Variants in HHAT observed in about 807,000 individuals in gnomAD.
HHAT encodes the protein protein-cysteine N-palmitoyltransferase HHAT.
In HHAT, 47 loss-of-function variants were observed where a neutral mutation model predicts 70.8. The ratio of observed to expected loss-of-function variants is 0.66; its 90% CI spans 0.53 to 0.85. The LOEUF (loss-of-function observed/expected upper bound fraction) is 0.85. HHAT is among the 40% of genes least tolerant of loss of function. The pLI is 0.00. For missense variants in HHAT, 609 were observed against 604.8 expected (o/e 1.01, Z -0.07); for synonymous variants, 228 against 247.6 (o/e 0.92, Z 0.74).
intron 1 of HHAT, among the ~76,000 whole-genome samples, chr1:210,338,030 AC>A (rs2085661879): frequency 6.6e-6 from 1 of 152,302 alleles, no homozygotes; most frequent in South Asian, 2.1e-4. Context: ...AGGTAAATGT[AC>A]TATACAGAGT....
intron 3 of HHAT, among the ~76,000 whole-genome samples, chr1:210,365,935 T>A (rs115143392): frequency 0.41 from 38,488 of 93,116 alleles, 7,140 homozygotes; most frequent in African/African-American, 0.61. Flanking sequence ...TAAAAAAAAT[T>A]TTTTTTTTTG....
rs752563556 is a variant in HHAT at position 210,675,810 on chromosome 1, A to G, written c.*1431A>G. The G allele has an allele frequency of 8.5e-5, 13 of 152,244 alleles. No individual in the cohort carries two copies. The highest frequency in any genetic ancestry group is 1.5e-4 in the Non-Finnish European group (10 of 68,056). The allele number at this position is 152,244 out of a possible 1,614,324, so 9.4% of individuals were successfully genotyped here. ...TATGTGTTAAAGCAAGACAGAGGCC[A>G]GAGAGGGGCAGGTAGACCTGCATAG... On this transcript the variant is annotated 3_prime_UTR_variant, in exon 12 of 12. Coordinates refer to ENST00000261458, the MANE Select transcript of HHAT (RefSeq NM_018194.6).
chr1:210,618,125 C>T (rs1314690333), intron 10 of HHAT, among the ~76,000 whole-genome samples: 1 of 152,158 alleles, frequency 6.6e-6, no homozygotes, highest in African/African-American at 2.4e-5. Flanking sequence ...AGACTTCTAG[C>T]TGAAAATGAC....
rs144232582 is a variant in HHAT at position 210,411,013 on chromosome 1, A to G, written c.684+6334A>G. The stretch of plus-strand genomic sequence containing the variant: ...TAAGTCATTATTAAGAAGCCAATGC[A>G]TGACAAAATGTACCTCATGATTTTT... On this transcript the variant is annotated intron_variant, in intron 6 of 11. Transcript: ENST00000261458. 2.3e-3 allele frequency among the ~76,000 whole-genome samples: 354 copies of G among 152,344 alleles called. 4 individuals are homozygous for G. The highest frequency in any genetic ancestry group is 8.1e-3 in the African/African-American group (336 of 41,582).
chr1:210,651,465 T>G (rs904045696), intron 11 of HHAT, among the ~76,000 whole-genome samples: 1 of 151,918 alleles, frequency 6.6e-6, no homozygotes, highest in African/African-American at 2.4e-5. Flanking sequence ...AAGAAGTGCA[T>G]CACTAGAATC....
intron 11 of HHAT, among the ~76,000 whole-genome samples, chr1:210,640,185 G>A (rs1451252666): frequency 6.6e-6 from 1 of 152,166 alleles, no homozygotes; most frequent in African/African-American, 2.4e-5. Flanking sequence ...TGCTTTGAGA[G>A]TTTCGAAGGT....
intron 3 of HHAT, among the ~76,000 whole-genome samples, chr1:210,384,581 T>G (rs993453449): frequency 1.3e-5 from 2 of 152,194 alleles, no homozygotes; most frequent in Admixed American, 6.5e-5. Context: ...AGGTTGGATG[T>G]GGGTGACTTC....
chr1:210,404,138 T>C (rs1352488632), intron 5 of HHAT, among the ~76,000 whole-genome samples: 1 of 152,220 alleles, frequency 6.6e-6, no homozygotes, highest in Non-Finnish European at 1.5e-5. Flanking sequence ...AATCTGCACC[T>C]TATGCCCTGG....
At chr1:210,537,041 G>C (rs1392586334) in intron 9 of HHAT, among the ~76,000 whole-genome samples, 1 of 151,046 alleles carries the variant, frequency 6.6e-6, no homozygotes, top group Admixed American at 6.6e-5. Flanking sequence ...AAAAAAAAAA[G>C]GTGGCTATAG....
intron 7 of HHAT, among the ~76,000 whole-genome samples, chr1:210,458,736 T>C (rs2148420144): frequency 6.6e-6 from 1 of 152,316 alleles, no homozygotes; most frequent in African/African-American, 2.4e-5. Flanking sequence ...TGGCTTCTCC[T>C]TCCCATTCCC....
intron 11 of HHAT, among the ~76,000 whole-genome samples, chr1:210,648,791 G>T (rs1674568026): frequency 6.6e-6 from 1 of 152,202 alleles, no homozygotes; most frequent in South Asian, 2.1e-4. Context: ...ACTACATAAT[G>T]CAGGATTAAT....
intron 3 of HHAT, among the ~76,000 whole-genome samples, chr1:210,384,250 T>C (rs577955045): frequency 1.3e-4 from 20 of 152,322 alleles, no homozygotes; most frequent in African/African-American, 4.3e-4. Flanking sequence ...TTCAGTGAAT[T>C]CCGAAGTCTG....
chr1:210,369,554 CAT>C (rs1293267575), intron 3 of HHAT, among the ~76,000 whole-genome samples: 1 of 152,238 alleles, frequency 6.6e-6, no homozygotes, highest in Non-Finnish European at 1.5e-5. Flanking sequence ...TCATTTAACA[CAT>C]GAGTTAAATG....
In HHAT at chr1:210,401,003, A is replaced by C. The variant is rs2092043480; in HGVS notation, c.468+341A>C. On this transcript the variant is annotated intron_variant, in intron 5 of 11. Coordinates refer to ENST00000261458, the MANE Select transcript of HHAT (RefSeq NM_018194.6). The stretch of plus-strand genomic sequence containing the variant: ...ATGATTTACTAAAAAACATCTGGAG[A>C]GTGCCCTACAATTTATAGGGAATGC... Among the ~76,000 whole-genome samples, 2 of 152,272 alleles carry C rather than the reference A, an allele frequency of 1.3e-5. 1 individual carries two copies. The highest frequency in any genetic ancestry group is 4.1e-4 in the South Asian group (2 of 4,838).
Position 210,442,156 on chromosome 1 carries a change from C to G in HHAT, c.857-22349C>G, listed in dbSNP as rs1436674348. 8.7e-4 allele frequency among the ~76,000 whole-genome samples: 127 copies of G among 146,656 alleles called. 2 individuals are homozygous for G. The highest frequency in any genetic ancestry group is 1.2e-3 in the Admixed American group (17 of 14,666). On this transcript the variant is annotated intron_variant, in intron 7 of 11. Coordinates refer to ENST00000261458, the MANE Select transcript of HHAT (RefSeq NM_018194.6). The stretch of plus-strand genomic sequence containing the variant: ...GAGAATGATGATTTCCAATTTCATC[C>G]ATGTCCCTACAAAGGACATGAACTC...
At chr1:210,518,126 A>C (rs1335553193) in intron 9 of HHAT, among the ~76,000 whole-genome samples, 1 of 152,188 alleles carries the variant, frequency 6.6e-6, no homozygotes, top group Non-Finnish European at 1.5e-5. Flanking sequence ...ACTATTTGGT[A>C]ATATACAATA....
chr1:210,612,694 T>C (rs970664468), intron 10 of HHAT, among the ~76,000 whole-genome samples: 4 of 152,164 alleles, frequency 2.6e-5, no homozygotes, highest in Non-Finnish European at 5.9e-5. Context: ...ATGGCAATTT[T>C]GTGTTTAATT....
At chr1:210,523,685 C>T (rs2095197971) in intron 9 of HHAT, among the ~76,000 whole-genome samples, 1 of 152,220 alleles carries the variant, frequency 6.6e-6, no homozygotes, top group Non-Finnish European at 1.5e-5. Context: ...TCATCTGGAT[C>T]TTCTGCGTAG....
At chr1:210,374,262 C>G (rs187090637) in intron 3 of HHAT, 2 of 126,478 alleles carry the variant, frequency 1.6e-5, no homozygotes, top group African/African-American at 3.7e-5. Context: ...GAAGAGAAAC[C>G]AGTGTAATGC....
Sources: allele counts gnomAD v4.1 joint callset (sites outside exome capture counted in the v4.1 genomes callset), GRCh38; gene constraint gnomAD v4.1.1; transcripts MANE v1.5; gene names NCBI Gene and HGNC (gene_info 2026-07-23, HGNC 2026-07-21).